NXPH1: variants seen among roughly 807,000 people sequenced by gnomAD.
NXPH1 encodes the protein neurexophilin 1.
A neutral mutation model predicts 23.7 loss-of-function variants in NXPH1; 5 were observed. The observed-to-expected ratio is 0.21, with a 90% CI of 0.11 to 0.44. The LOEUF is 0.44. NXPH1 is among the 20% of genes least tolerant of loss of function. NXPH1 has a pLI of 0.99. For missense variants in NXPH1, 324 were observed against 321.6 expected (o/e 1.01, Z -0.06); for synonymous variants, 144 against 122.2 (o/e 1.18, Z -1.18).
chr7:8,597,741 T>C (rs1340051207), intron 2 of NXPH1, among the ~76,000 whole-genome samples: 2 of 150,780 alleles, frequency 1.3e-5, no homozygotes, highest in Non-Finnish European at 3.0e-5. Flanking sequence ...GAGCAGTAGC[T>C]ATCACCTTTC....
intron 2 of NXPH1, among the ~76,000 whole-genome samples, chr7:8,652,769 C>T (rs543424349): frequency 1.3e-5 from 2 of 152,114 alleles, no homozygotes; most frequent in Non-Finnish European, 2.9e-5. Flanking sequence ...TGCTTTTTAT[C>T]CTTCTTAAGG....
chr7:8,699,392 T>G (rs921695431), intron 2 of NXPH1, among the ~76,000 whole-genome samples: 1 of 152,046 alleles, frequency 6.6e-6, no homozygotes, highest in African/African-American at 2.4e-5. Flanking sequence ...CCTTTGCAAA[T>G]TCACATAGTG....
chr7:8,611,698 T>C (rs1487784414), intron 2 of NXPH1, among the ~76,000 whole-genome samples: 1 of 152,126 alleles, frequency 6.6e-6, no homozygotes, highest in African/African-American at 2.4e-5. Context: ...CAATGATCTC[T>C]TGGTATGTTG....
intron 2 of NXPH1, among the ~76,000 whole-genome samples, chr7:8,741,805 C>A (rs769834921): frequency 6.6e-6 from 1 of 152,188 alleles, no homozygotes; most frequent in Middle Eastern, 3.4e-3. Flanking sequence ...AAATAACATT[C>A]ACTATTAAAA....
chr7:8,739,556 C>G (rs1780325962), intron 2 of NXPH1, among the ~76,000 whole-genome samples: 3 of 152,166 alleles, frequency 2.0e-5, no homozygotes, highest in Admixed American at 2.0e-4. Context: ...TTGCATTGAT[C>G]TTGCTGGGAG....
At chr7:8,512,727 C>T (rs1817630901) in intron 2 of NXPH1, among the ~76,000 whole-genome samples, 1 of 152,078 alleles carries the variant, frequency 6.6e-6, no homozygotes, top group Admixed American at 6.6e-5. Context: ...ATACAAACCA[C>T]CCCCAATTTA....
At position 8,436,966 on chromosome 7, in the gene NXPH1, C is replaced by G. The variant is rs114095455; in HGVS notation, c.54+1199C>G. ...GTGAATTCTGTGTATGTGAGTGACA[C>G]GTATATATATGTGTGTGTGAATGTG... On this transcript the variant is annotated intron_variant, in intron 2 of 2. Transcript: ENST00000405863. Among the ~76,000 whole-genome samples the G allele has an allele frequency of 6.7e-3, 1,022 of 152,304 alleles. 9 individuals are homozygous for G. Among genetic ancestry groups the G allele is most frequent in the African/African-American group, 0.023 (973 of 41,562 alleles).
At chr7:8,750,947 T>A in intron 2 of NXPH1, 61 bp from the exon 3 acceptor site, 2 of 1,493,086 alleles carry the variant, frequency 1.3e-6, no homozygotes, top group Non-Finnish European at 1.9e-6. Flanking sequence ...CTTAGATCTA[T>A]GCATTGGGTG....
chr7:8,596,255 A>G (rs4538793), intron 2 of NXPH1, among the ~76,000 whole-genome samples: 20,992 of 152,052 alleles, frequency 0.14, 2,105 homozygotes, highest in African/African-American at 0.27. Flanking sequence ...ATTGCCTGGG[A>G]AAATTCTGTT....
chr7:8,657,484 G>A, intron 2 of NXPH1, among the ~76,000 whole-genome samples: 1 of 152,148 alleles, frequency 6.6e-6, no homozygotes, highest in Non-Finnish European at 1.5e-5. Flanking sequence ...CGAAAGTAGA[G>A]AAGCCCTGGC....
chr7:8,591,559 T>C (rs1299649995), intron 2 of NXPH1, among the ~76,000 whole-genome samples: 1 of 152,070 alleles, frequency 6.6e-6, no homozygotes, highest in Non-Finnish European at 1.5e-5. Context: ...CTTCAACCAA[T>C]ATGAACATTC....
At chr7:8,562,074 A>T (rs1423055895) in intron 2 of NXPH1, among the ~76,000 whole-genome samples, 5 of 151,654 alleles carry the variant, frequency 3.3e-5, no homozygotes, top group African/African-American at 1.2e-4. Context: ...TTGGCATGCT[A>T]TTGACTTATG....
chr7:8,436,268 G>A (rs1816192576), intron 2 of NXPH1, among the ~76,000 whole-genome samples: 1 of 152,184 alleles, frequency 6.6e-6, no homozygotes, highest in Admixed American at 6.5e-5. Context: ...ACTTGTAAGG[G>A]TTCCGACAGG....
chr7:8,507,654 C>A (rs1377787599), intron 2 of NXPH1, among the ~76,000 whole-genome samples: 1 of 152,086 alleles, frequency 6.6e-6, no homozygotes, highest in Non-Finnish European at 1.5e-5. Flanking sequence ...CTGAAAGCTG[C>A]AGCTAGATCA....
intron 2 of NXPH1, among the ~76,000 whole-genome samples, chr7:8,508,412 A>G (rs919065769): frequency 1.6e-4 from 24 of 152,140 alleles, no homozygotes; most frequent in African/African-American, 5.8e-4. Context: ...CTGGAACTAA[A>G]TGAAGCAAAT....
intron 2 of NXPH1, among the ~76,000 whole-genome samples, chr7:8,541,246 A>G (rs1818112385): frequency 6.6e-6 from 1 of 151,734 alleles, no homozygotes; most frequent in African/African-American, 2.4e-5. Flanking sequence ...TAAACTCTGG[A>G]AAAGATGAAT....
At chr7:8,711,662 G>C (rs1036047913) in intron 2 of NXPH1, among the ~76,000 whole-genome samples, 1 of 152,162 alleles carries the variant, frequency 6.6e-6, no homozygotes, top group East Asian at 1.9e-4. Context: ...GAGCATGAGT[G>C]TGTGCATGTA....
intron 2 of NXPH1, among the ~76,000 whole-genome samples, chr7:8,665,404 C>A (rs1055316522): frequency 2.9e-4 from 44 of 151,854 alleles, no homozygotes; most frequent in Non-Finnish European, 1.6e-4. Context: ...CTATACCATG[C>A]TGTTTTAATA....
At chr7:8,662,635 C>G (rs558412922) in intron 2 of NXPH1, among the ~76,000 whole-genome samples, 2 of 151,796 alleles carry the variant, frequency 1.3e-5, no homozygotes, top group East Asian at 3.9e-4. Flanking sequence ...ATTGCATTAC[C>G]TTTATGCAAA....
Sources: gnomAD v4.1 joint callset for allele counts (sites outside exome capture counted in the v4.1 genomes callset) on GRCh38, gnomAD v4.1.1 for gene constraint, MANE v1.5 for transcripts, NCBI Gene and HGNC (gene_info 2026-07-23, HGNC 2026-07-21) for gene names.